The following WDR27 variants were observed in gnomAD, a reference collection of about 807,000 sequenced individuals.
WDR27 encodes WD repeat domain 27, also known as WD repeat-containing protein 27.
In WDR27, 100 loss-of-function variants were observed where a neutral mutation model predicts 114.4. That is an observed-to-expected ratio of 0.87 (90% confidence interval 0.74 to 1.03). WDR27 has a LOEUF of 1.03. Among genes scored for constraint, WDR27 ranks in the 50% least tolerant of loss-of-function variants. WDR27 has a pLI of 0.00. For synonymous variants in WDR27, 449 were observed against 423.1 expected, an observed-to-expected ratio of 1.06 and a Z score of -0.75; for missense variants, 1,129 against 1,092.9, an observed-to-expected ratio of 1.03 and a Z score of -0.47.
intron 24 of WDR27, among the ~76,000 whole-genome samples, chr6:169,580,791 C>G (rs1447065218): frequency 6.6e-6 from 1 of 151,492 alleles, no homozygotes; most frequent in African/African-American, 2.4e-5. Context: ...ATTTATAATG[C>G]TGGGAAACAG....
chr6:169,638,189 G>A lies in WDR27; in HGVS notation c.1869+350C>T, dbSNP rs993541094. Among the ~76,000 whole-genome samples, 6 of 121,484 alleles carry A rather than the reference G, an allele frequency of 4.9e-5. 2 individuals carry two copies. Among genetic ancestry groups the A allele is most frequent in the African/African-American group, 8.3e-5 (2 of 24,184 alleles). The allele number at this position is 121,484 out of a possible 152,430, so 79.7% of individuals were successfully genotyped here. ...AAATTAGCCGGGCGCGGTGGCGGGC[G>A]CCTGTAGTCCCAGCTACTCGGGAGG... On this transcript the variant is annotated intron_variant, in intron 18 of 25. Coordinates refer to ENST00000448612, the MANE Select transcript of WDR27 (RefSeq NM_182552.5).
At chr6:169,483,230 T>A (rs1788435601) in intron 25 of WDR27, among the ~76,000 whole-genome samples, 2 of 152,034 alleles carry the variant, frequency 1.3e-5, no homozygotes. Flanking sequence ...TTCAAAAGAT[T>A]AACAAATCCA....
intron 25 of WDR27, among the ~76,000 whole-genome samples, chr6:169,514,572 T>C (rs988411378): frequency 6.8e-6 from 1 of 147,816 alleles, no homozygotes; most frequent in African/African-American, 2.5e-5. Context: ...ATATAGATAT[T>C]AAAATATATG....
At chr6:169,554,226 C>T (rs1321774253) in intron 25 of WDR27, among the ~76,000 whole-genome samples, 3 of 152,200 alleles carry the variant, frequency 2.0e-5, no homozygotes, top group African/African-American at 4.8e-5. Flanking sequence ...CCAGCCCATG[C>T]TCCCTTCAGC....
At chr6:169,591,774 G>A (rs1002781205) in intron 23 of WDR27, among the ~76,000 whole-genome samples, 7 of 152,158 alleles carry the variant, frequency 4.6e-5, no homozygotes, top group African/African-American at 1.7e-4. Flanking sequence ...AGTAGTGCAT[G>A]CCTAAGGCAG....
At position 169,692,176 on chromosome 6, in the gene WDR27, A is replaced by G. The variant is rs1240879736; in HGVS notation, c.-7-3164T>C. Among the ~76,000 whole-genome samples the G allele has an allele frequency of 2.0e-5, 3 of 152,252 alleles. 1 individual carries two copies. The highest frequency in any genetic ancestry group is 2.0e-4 in the Admixed American group (3 of 15,292). On this transcript the variant is annotated intron_variant, in intron 1 of 25. Coordinates refer to ENST00000448612, the MANE Select transcript of WDR27 (RefSeq NM_182552.5). ...AGGCAGCCAAGCGAAATATAAAAGTAGAAGCAGCAGTGAGAAGAGCCTTGT... is the reference window on the plus strand; with the variant it reads ...AGGCAGCCAAGCGAAATATAAAAGTGGAAGCAGCAGTGAGAAGAGCCTTGT...
intron 24 of WDR27, among the ~76,000 whole-genome samples, chr6:169,579,909 A>G (rs537280097): frequency 1.3e-5 from 2 of 152,332 alleles, no homozygotes; most frequent in South Asian, 2.1e-4. Context: ...CTAAGCCCCA[A>G]TTTTGGGATT....
In WDR27 at chr6:169,662,299, CT is replaced by C. The variant is rs765556421; in HGVS notation, c.1025+4del. ...TGTGGCATAGGCAAAGTTTTTGATA[CT>C]TACCATCCACATGCAGAATTTGGGA... On this transcript the variant is annotated splice_donor_region_variant and intron_variant, in intron 9 of 25. Coordinates refer to ENST00000448612, the MANE Select transcript of WDR27 (RefSeq NM_182552.5). 1 of 1,612,846 alleles carries C rather than the reference CT, an allele frequency of 6.2e-7. No individual in the cohort carries two copies. Among genetic ancestry groups the C allele is most frequent in the African/African-American group, 1.3e-5 (1 of 74,920 alleles).
At chr6:169,480,022 C>T (rs557389345) in intron 25 of WDR27, among the ~76,000 whole-genome samples, 16 of 152,290 alleles carry the variant, frequency 1.1e-4, no homozygotes, top group African/African-American at 3.1e-4. Flanking sequence ...CCTCTGCTTG[C>T]GGGGAGGTGT....
At position 169,667,248 on chromosome 6, in the gene WDR27, G is replaced by A. The variant is rs1251346488; in HGVS notation, c.661-61C>T. On this transcript the variant is annotated intron_variant, in intron 5 of 25. Coordinates refer to ENST00000448612, the MANE Select transcript of WDR27 (RefSeq NM_182552.5). ...CAACGTTGCCATTATTGCAACAGGT[G>A]AAGCTAACAGTACTATTCACTATCA... is the stretch of plus-strand genomic sequence containing the variant. The A allele has an allele frequency of 3.5e-6, 5 of 1,425,396 alleles. No homozygotes were observed. The South Asian group carries it at 8.6e-5, about 25-fold the overall frequency. 88.3% of individuals were successfully genotyped at this position (1,425,396 alleles called of 1,614,324 possible).
intron 13 of WDR27, 74 bp downstream of exon 13, chr6:169,658,202 C>G: frequency 8.4e-7 from 1 of 1,189,584 alleles, no homozygotes; most frequent in South Asian, 1.3e-5. Flanking sequence ...ATTCGCAAAG[C>G]AATGCAGCAG....
At chr6:169,675,102 T>C (rs768291547) in intron 2 of WDR27, among the ~76,000 whole-genome samples, 1 of 152,164 alleles carries the variant, frequency 6.6e-6, no homozygotes, top group Non-Finnish European at 1.5e-5. Context: ...TCACAGGGGA[T>C]ATGATGGCCG....
In WDR27 at chr6:169,684,164, C is replaced by T. The variant is rs886075913; in HGVS notation, c.189+4653G>A. On this transcript the variant is annotated intron_variant, in intron 2 of 25. Coordinates refer to ENST00000448612, the MANE Select transcript of WDR27 (RefSeq NM_182552.5). The surrounding 1 kb of genome is among the most constrained non-coding windows in gnomAD (Gnocchi z 4.3). ...AAACCAACCCTCGCCACTGCACTTC[C>T]AGCCAGAGAAACAACCCAGCACTCC... Among the ~76,000 whole-genome samples, 4 of 152,134 alleles carry T rather than the reference C, an allele frequency of 2.6e-5. No homozygotes were observed. The highest frequency in any genetic ancestry group is 2.6e-4 in the Admixed American group (4 of 15,282).
At chr6:169,582,586 T>G (rs75712439) in intron 24 of WDR27, among the ~76,000 whole-genome samples, 2 of 152,126 alleles carry the variant, frequency 1.3e-5, no homozygotes, top group African/African-American at 4.8e-5. Flanking sequence ...CAAACATGCA[T>G]GACTGCTGAG....
At chr6:169,679,982 T>C (rs898602512) in intron 2 of WDR27, among the ~76,000 whole-genome samples, 3 of 152,184 alleles carry the variant, frequency 2.0e-5, no homozygotes, top group Non-Finnish European at 4.4e-5. Context: ...AGAATTCTCA[T>C]TGAAATGATA....
intron 25 of WDR27, among the ~76,000 whole-genome samples, chr6:169,463,877 CT>C (rs1785213886): frequency 6.6e-6 from 1 of 152,138 alleles, no homozygotes; most frequent in South Asian, 2.1e-4. Flanking sequence ...CAAAACATTG[CT>C]GAAGGAAACG....
At chr6:169,694,135 C>T (rs935387963) in intron 1 of WDR27, among the ~76,000 whole-genome samples, 5 of 151,992 alleles carry the variant, frequency 3.3e-5, no homozygotes, top group African/African-American at 1.2e-4. Context: ...TGGTGAAACC[C>T]CCTCTCTACT....
intron 25 of WDR27, among the ~76,000 whole-genome samples, chr6:169,533,538 C>T (rs947157176): frequency 6.6e-6 from 1 of 152,188 alleles, no homozygotes; most frequent in Admixed American, 6.5e-5. Context: ...TTTAGTCACC[C>T]TCCTTTAATG....
chr6:169,642,046 C>T (rs561255894), intron 17 of WDR27, among the ~76,000 whole-genome samples: 2 of 152,348 alleles, frequency 1.3e-5, no homozygotes, highest in South Asian at 4.1e-4. Flanking sequence ...AATACGGTTG[C>T]TCTCAGTGGT....
Sources: gnomAD v4.1 joint callset for allele counts (sites outside exome capture counted in the v4.1 genomes callset) on GRCh38, gnomAD v4.1.1 for gene constraint, Gnocchi (gnomAD v3.1) non-coding constraint, MANE v1.5 for transcripts, NCBI Gene and HGNC (gene_info 2026-07-23, HGNC 2026-07-21) for gene names.